FMNL2: variants seen among roughly 807,000 people sequenced by gnomAD.
FMNL2 encodes formin like 2.
A neutral mutation model predicts 130.2 loss-of-function variants in FMNL2; 51 were observed. The observed-to-expected ratio is 0.39, with a 90% CI of 0.31 to 0.49. The LOEUF (loss-of-function observed/expected upper bound fraction) is 0.49. Ranked by LOEUF, FMNL2 falls within the 20% of genes least tolerant of loss-of-function variation. FMNL2 has a pLI of 0.85. For synonymous variants in FMNL2, 465 were observed against 467.1 expected (o/e 1.00, Z 0.06); for missense variants, 977 against 1,316.2 (o/e 0.74, Z 3.99).
At chr2:152,355,404 A>G (rs1682727153) in intron 1 of FMNL2, among the ~76,000 whole-genome samples, 1 of 152,184 alleles carries the variant, frequency 6.6e-6, no homozygotes, top group South Asian at 2.1e-4. Flanking sequence ...AGTAGAAACT[A>G]TTCGTCTTGT....
intron 20 of FMNL2, 30 bp downstream of exon 20, chr2:152,629,935 G>C: frequency 1.3e-5 from 20 of 1,571,176 alleles, no homozygotes; most frequent in Non-Finnish European, 1.7e-5. Flanking sequence ...TTTGAGAGCT[G>C]TTTGAAGGAC....
chr2:152,398,952 TAGAAGGAATTGAG>T (rs539382316), intron 1 of FMNL2, among the ~76,000 whole-genome samples: 26 of 152,250 alleles, frequency 1.7e-4, no homozygotes, highest in African/African-American at 6.0e-4. Flanking sequence ...GAGCTGGGCA[TAGAAGGAATTGAG>T]TGTGTTGTGG....
At chr2:152,410,884 G>T (rs1267097568) in intron 1 of FMNL2, among the ~76,000 whole-genome samples, 1 of 152,172 alleles carries the variant, frequency 6.6e-6, no homozygotes, top group African/African-American at 2.4e-5. Context: ...CTTCCTAGAG[G>T]GGTCGTTGTG....
Position 152,647,865 on chromosome 2 carries a change from A to G in FMNL2, c.3239A>G (p.Gln1080Arg), listed in dbSNP as rs773739366. 1.2e-6 allele frequency: 2 copies of G among 1,613,956 alleles called. No individual in the cohort carries two copies. Among genetic ancestry groups the G allele is most frequent in the Non-Finnish European group, 1.7e-6 (2 of 1,179,842 alleles). The change falls in exon 26 of 26, where the codon CAG (glutamine) becomes CGG (arginine). Residue 1080 changes from glutamine to arginine, a missense_variant. Gln to Arg is a conservative substitution (Grantham distance 43). Around this residue, in one of 4 missense-constraint regions of FMNL2, gnomAD observed 168 missense variants for 168.8 expected, o/e 1.00. Coordinates refer to ENST00000288670, the MANE Select transcript of FMNL2 (RefSeq NM_052905.4). ...RRSVRRRFDDQNLRSVNGAEI... is the reference protein window; with the variant it reads ...RRSVRRRFDDRNLRSVNGAEI... ...AGCGTCAGGCGGCGCTTTGATGATC[A>G]GAACTTGCGTTCTGTTAATGGTGCC...
intron 1 of FMNL2, among the ~76,000 whole-genome samples, chr2:152,413,304 G>A (rs1686423535): frequency 6.6e-6 from 1 of 151,998 alleles, no homozygotes; most frequent in African/African-American, 2.4e-5. Flanking sequence ...TAAGAATTGT[G>A]CTATTTTTCA....
intron 9 of FMNL2, among the ~76,000 whole-genome samples, chr2:152,591,226 G>A (rs1237537813): frequency 2.0e-5 from 3 of 151,788 alleles, no homozygotes; most frequent in Non-Finnish European, 4.4e-5. Flanking sequence ...GGCCAGACTG[G>A]TCTCGAACTC....
chr2:152,561,021 A>G lies in FMNL2; in HGVS notation c.582A>G (p.Arg194=). The change falls in exon 6 of 26, where the codon AGA becomes AGG. Residue 194 remains arginine (R), a synonymous_variant. Coordinates refer to ENST00000288670, the MANE Select transcript of FMNL2 (RefSeq NM_052905.4). ...PVGNSVSRSG[R]HSALRYNTLP... The stretch of plus-strand genomic sequence containing the variant: ...GCAACAGTGTCTCCCGCTCTGGAAG[A>G]CATTCTGCACTGCGGTGAGTTCGTT... The G allele has an allele frequency of 2.5e-6, 4 of 1,599,160 alleles. No homozygotes were observed. Among genetic ancestry groups the G allele is most frequent in the Non-Finnish European group, 3.4e-6 (4 of 1,172,486 alleles).
At position 152,549,053 on chromosome 2, in the gene FMNL2, A is replaced by C; in HGVS notation, c.315A>C (p.Gln105His). ...GACGGCGTGTTCAAGAATCTACACA[A>C]GTGCTAAGAGAACTGGAAATTTCTT... ...KFRRRVQEST[Q>H]VLRELEISLR... is the part of the protein sequence containing the mutation. The change falls in exon 4 of 26, where the codon CAA (glutamine) becomes CAC (histidine). Residue 105 changes from glutamine to histidine, a missense_variant. By Grantham distance (24) the Gln-to-His change is conservative. This residue lies in a region of FMNL2 where 117 missense variants were observed against 134.9 expected (regional missense o/e 0.87). Transcript: ENST00000288670. 6.2e-7 allele frequency: 1 copy of C among 1,610,588 alleles called. No homozygotes were observed. The highest frequency in any genetic ancestry group is 8.5e-7 in the Non-Finnish European group (1 of 1,178,646).
intron 1 of FMNL2, among the ~76,000 whole-genome samples, chr2:152,336,092 A>AAAAAAC (rs5835421): frequency 8.9e-4 from 118 of 132,332 alleles, no homozygotes; most frequent in Middle Eastern, 7.4e-3. Flanking sequence ...TTTTTTTAAA[A>AAAAAAC]AAAACAAAAC....
intron 1 of FMNL2, among the ~76,000 whole-genome samples, chr2:152,517,931 G>T (rs1283079849): frequency 1.3e-5 from 2 of 152,210 alleles, no homozygotes; most frequent in African/African-American, 2.4e-5. Context: ...CTAAGAGTGG[G>T]TGAGGTAGAG....
chr2:152,527,281 A>G (rs1386622173), intron 2 of FMNL2, among the ~76,000 whole-genome samples: 1 of 152,182 alleles, frequency 6.6e-6, no homozygotes, highest in Admixed American at 6.5e-5. Context: ...AAGTTTGGCC[A>G]GTGACAACTT....
At position 152,647,820 on chromosome 2, in the gene FMNL2, G is replaced by C; in HGVS notation, c.3194G>C (p.Arg1065Pro). 22 of 1,613,932 alleles carry C rather than the reference G, an allele frequency of 1.4e-5. No individual in the cohort carries two copies. Among genetic ancestry groups the C allele is most frequent in the Non-Finnish European group, 1.9e-5 (22 of 1,179,866 alleles). ...ITDLRNQPYR[R>P]ADAVRRSVRR... is the part of the protein sequence containing the mutation. ...GATCTTAGAAACCAACCATACAGAC[G>C]AGCCGATGCGGTGAGGAGAAGCGTC... The change falls in exon 26 of 26, where the codon CGA (arginine) becomes CCA (proline). Residue 1065 changes from arginine to proline, a missense_variant. Physicochemically the swap from Arg to Pro is moderately radical, Grantham distance 103 (BLOSUM62 -2). Transcript: ENST00000288670.
At chr2:152,562,652 T>C (rs1276606610) in intron 6 of FMNL2, among the ~76,000 whole-genome samples, 1 of 152,252 alleles carries the variant, frequency 6.6e-6, no homozygotes, top group Non-Finnish European at 1.5e-5. Context: ...CACCTTATTA[T>C]ATTTGCAGTA....
chr2:152,482,846 T>C (rs1461390367), intron 1 of FMNL2, among the ~76,000 whole-genome samples: 3 of 152,154 alleles, frequency 2.0e-5, no homozygotes, highest in African/African-American at 7.2e-5. Flanking sequence ...TTTGACATAA[T>C]TATAAAACAT....
intron 1 of FMNL2, among the ~76,000 whole-genome samples, chr2:152,492,926 C>T (rs548249054): frequency 1.3e-4 from 20 of 151,990 alleles, no homozygotes; most frequent in African/African-American, 4.6e-4. Context: ...TATTTCATTA[C>T]CTTTGTAGTG....
At chr2:152,520,487 T>C (rs1446989292) in intron 1 of FMNL2, among the ~76,000 whole-genome samples, 1 of 151,104 alleles carries the variant, frequency 6.6e-6, no homozygotes. Flanking sequence ...CCCAGCTACT[T>C]AGGAGGCTGA....
intron 4 of FMNL2, among the ~76,000 whole-genome samples, chr2:152,550,042 C>T (rs1694850491): frequency 6.6e-6 from 1 of 152,070 alleles, no homozygotes; most frequent in Admixed American, 6.5e-5. Context: ...AGTTCTGTCT[C>T]GTTGATAGTT....
At chr2:152,551,770 C>T (rs550832615) in intron 4 of FMNL2, among the ~76,000 whole-genome samples, 3 of 152,298 alleles carry the variant, frequency 2.0e-5, no homozygotes, top group Admixed American at 1.3e-4. Flanking sequence ...ATTCCCAGTA[C>T]TTTGGGAGGC....
chr2:152,351,040 T>C (rs1682452579), intron 1 of FMNL2, among the ~76,000 whole-genome samples: 1 of 152,082 alleles, frequency 6.6e-6, no homozygotes, highest in African/African-American at 2.4e-5. Flanking sequence ...GTGAGACTCT[T>C]TCTCAAAAAG....
Sources: gnomAD v4.1 joint callset for allele counts (sites outside exome capture counted in the v4.1 genomes callset) on GRCh38, gnomAD v4.1.1 for gene constraint, gnomAD v4.1.1 regional missense constraint, MANE v1.5 for transcripts, NCBI Gene and HGNC (gene_info 2026-07-23, HGNC 2026-07-21) for gene names.